The following CFAP100 variants were observed in gnomAD, a reference collection of about 807,000 sequenced individuals.
The protein encoded by CFAP100 is cilia and flagella associated protein 100.
A neutral mutation model predicts 81.5 loss-of-function variants in CFAP100; 70 were observed. The ratio of observed to expected loss-of-function variants is 0.86; its 90% CI spans 0.71 to 1.05. CFAP100 has a LOEUF of 1.05. Ranked by LOEUF, CFAP100 falls within the 50% of genes least tolerant of loss-of-function variation. CFAP100 has a pLI of 0.00. For synonymous variants in CFAP100, 341 were observed against 314.8 expected (o/e 1.08, Z -0.88); for missense variants, 811 against 776.5 (o/e 1.04, Z -0.53).
At chr3:126,403,551 T>A (rs1350024480) in intron 2 of CFAP100, among the ~76,000 whole-genome samples, 1 of 151,920 alleles carries the variant, frequency 6.6e-6, no homozygotes, top group African/African-American at 2.4e-5. Context: ...CCTGGCTAAT[T>A]ATTGTATTTT....
intron 2 of CFAP100, among the ~76,000 whole-genome samples, chr3:126,403,574 G>C (rs942190722): frequency 2.0e-5 from 3 of 151,926 alleles, no homozygotes; most frequent in South Asian, 4.2e-4. Flanking sequence ...GTACAGACAG[G>C]GTTTCACCAT....
At chr3:126,434,532 C>T (rs565391191) in intron 15 of CFAP100, 151 bp downstream of exon 15, 2 of 746,334 alleles carry the variant, frequency 2.7e-6, no homozygotes, top group Non-Finnish European at 4.3e-6. Context: ...TTGGGGGGAT[C>T]TAGAGGGGCA....
chr3:126,430,581 TCTG>T (rs1933174977), intron 13 of CFAP100, among the ~76,000 whole-genome samples: 1 of 152,154 alleles, frequency 6.6e-6, no homozygotes, highest in Admixed American at 6.5e-5. Context: ...GTTGATGATG[TCTG>T]TAAGTCCCAT....
chr3:126,423,429 GC>G, intron 12 of CFAP100, 53 bp downstream of exon 12: 3 of 1,606,532 alleles, frequency 1.9e-6, no homozygotes, highest in Non-Finnish European at 2.6e-6. Context: ...CTCTTTCCCT[GC>G]CCCCACCCCT....
At chr3:126,430,985 T>C (rs903286133) in intron 13 of CFAP100, among the ~76,000 whole-genome samples, 7 of 152,218 alleles carry the variant, frequency 4.6e-5, no homozygotes, top group African/African-American at 1.4e-4. Flanking sequence ...TTTTTCATGA[T>C]CCTTGTGGCC....
At chr3:126,430,879 T>G (rs570157373) in intron 13 of CFAP100, among the ~76,000 whole-genome samples, 3 of 152,294 alleles carry the variant, frequency 2.0e-5, no homozygotes, top group Admixed American at 6.5e-5. Flanking sequence ...GACAATTATT[T>G]TGAATTCTTT....
At chr3:126,399,691 T>C (rs1297996337) in intron 2 of CFAP100, among the ~76,000 whole-genome samples, 4 of 152,112 alleles carry the variant, frequency 2.6e-5, no homozygotes, top group African/African-American at 9.7e-5. Flanking sequence ...CCTGAAACAA[T>C]TGTGCTGGCG....
intron 13 of CFAP100, chr3:126,432,854 A>G: frequency 2.3e-6 from 1 of 431,318 alleles, no homozygotes; most frequent in Non-Finnish European, 4.1e-6. Context: ...GAAGCTGTTT[A>G]TTTTCTTTAA....
At chr3:126,407,317 C>T in intron 3 of CFAP100, 65 bp downstream of exon 3, 1 of 993,112 alleles carries the variant, frequency 1.0e-6, no homozygotes, top group South Asian at 1.4e-5. Flanking sequence ...CCTCTGCCCC[C>T]AGATCCCCTC....
chr3:126,407,324 C>A, intron 3 of CFAP100, 72 bp downstream of exon 3: 1 of 964,096 alleles, frequency 1.0e-6, no homozygotes, highest in East Asian at 2.4e-5. Context: ...CCCCAGATCC[C>A]CTCAGACCAG....
chr3:126,408,343 C>T (rs999505292), intron 3 of CFAP100, among the ~76,000 whole-genome samples: 1 of 152,238 alleles, frequency 6.6e-6, no homozygotes, highest in Non-Finnish European at 1.5e-5. Flanking sequence ...CATGGTCAGA[C>T]TGGCCCAGTA....
Position 126,434,347 on chromosome 3 carries a change from G to T in CFAP100, c.1594G>T (p.Ala532Ser). 6.2e-7 allele frequency: 1 copy of T among 1,614,026 alleles called. No individual in the cohort carries two copies. The highest frequency in any genetic ancestry group is 1.1e-5 in the South Asian group (1 of 91,058). The stretch of plus-strand genomic sequence containing the variant: ...CGTGCCCCAGGTCAAGATCGAGCAG[G>T]CCGAGAGGGCAAAGGAGAAGGAGCG... Reference protein sequence around the residue: ...EHVPQVKIEQAERAKEKERRI... With the variant: ...EHVPQVKIEQSERAKEKERRI... The change falls in exon 15 of 17, where the codon GCC (alanine) becomes TCC (serine). Residue 532 changes from alanine to serine, a missense_variant. By Grantham distance (99) the Ala-to-Ser change is moderately conservative. Coordinates refer to ENST00000352312, the MANE Select transcript of CFAP100 (RefSeq NM_182628.3).
Position 126,410,747 on chromosome 3 carries a change from C to T in CFAP100, c.131-3338C>T, listed in dbSNP as rs566490638. On this transcript the variant is annotated intron_variant, in intron 3 of 16. Transcript: ENST00000352312. ...AATAGCAATGTAAAGAGCAGGCATC[C>T]TTGCCTTGCTCCTGGTCTGATCCTA... Among the ~76,000 whole-genome samples the T allele has an allele frequency of 2.6e-4, 40 of 152,336 alleles. No homozygotes were observed. In the East Asian group the frequency reaches 3.9e-3, roughly 15 times the overall value.
chr3:126,424,133 C>G (rs2083376363), intron 13 of CFAP100, among the ~76,000 whole-genome samples: 1 of 152,246 alleles, frequency 6.6e-6, no homozygotes, highest in South Asian at 2.1e-4. Flanking sequence ...GCCAAGCCAC[C>G]TGTGGGCTGC....
intron 15 of CFAP100, among the ~76,000 whole-genome samples, chr3:126,434,804 G>C (rs1933379904): frequency 6.6e-6 from 1 of 152,106 alleles, no homozygotes; most frequent in South Asian, 2.1e-4. Flanking sequence ...TGAGGGCAAG[G>C]GCAGCTGCCA....
chr3:126,404,742 T>C (rs761280385), intron 2 of CFAP100, among the ~76,000 whole-genome samples: 2 of 152,162 alleles, frequency 1.3e-5, no homozygotes, highest in African/African-American at 4.8e-5. Context: ...TGACACAATC[T>C]TGGCTCACTG....
At chr3:126,435,148 A>G (rs1007791124) in intron 15 of CFAP100, among the ~76,000 whole-genome samples, 8 of 152,076 alleles carry the variant, frequency 5.3e-5, no homozygotes, top group South Asian at 4.1e-4. Flanking sequence ...TTGATGACTG[A>G]GAGTATATAT....
In CFAP100 at chr3:126,417,226, C is replaced by T. The variant is rs538938218; in HGVS notation, c.418+718C>T. On this transcript the variant is annotated intron_variant, in intron 5 of 16. Coordinates refer to ENST00000352312, the MANE Select transcript of CFAP100 (RefSeq NM_182628.3). ...GCCCTTTGCAGCTCAGTTTCCTTTC[C>T]TGGCTGATAACAGTACCAGCCTCAT... Among the ~76,000 whole-genome samples, 16 of 152,330 alleles carry T rather than the reference C, an allele frequency of 1.1e-4. No individual in the cohort carries two copies. The South Asian group carries it at 3.3e-3, about 32-fold the overall frequency.
At chr3:126,397,871 C>A (rs189237407) in intron 2 of CFAP100, among the ~76,000 whole-genome samples, 1 of 152,342 alleles carries the variant, frequency 6.6e-6, no homozygotes, top group East Asian at 1.9e-4. Flanking sequence ...ATAGGACCCC[C>A]CCTCAACCAG....
Sources: gnomAD v4.1 joint callset for allele counts (sites outside exome capture counted in the v4.1 genomes callset) on GRCh38, gnomAD v4.1.1 for gene constraint, MANE v1.5 for transcripts, NCBI Gene and HGNC (gene_info 2026-07-23, HGNC 2026-07-21) for gene names.